The following MYOM1 variants were observed in gnomAD, a reference collection of about 807,000 sequenced individuals.
MYOM1 encodes myomesin-1.
MYOM1 carries 164 observed loss-of-function variants against 205.3 expected under a neutral mutation model. The observed-to-expected ratio is 0.80, with a 90% CI of 0.70 to 0.91. The LOEUF is 0.91. Ranked by LOEUF, MYOM1 falls within the 40% of genes least tolerant of loss-of-function variation. MYOM1 has a pLI of 0.00. For missense variants in MYOM1, 2,011 were observed against 2,127.3 expected (o/e 0.95, Z 1.08); for synonymous variants, 772 against 789.4 (o/e 0.98, Z 0.37).
chr18:3,155,438 A>G (rs184781261), intron 10 of MYOM1, among the ~76,000 whole-genome samples: 2,776 of 152,234 alleles, frequency 0.018, 139 homozygotes, highest in Admixed American at 0.12. Flanking sequence ...GTTAGCCAGG[A>G]TGGTCTTGAT....
Position 3,084,904 on chromosome 18 carries a change from T to G in MYOM1, c.4339+141A>C, listed in dbSNP as rs939485079. ...GGTATTTTTGAATAAAACAGTTCAC[T>G]CTGTTGGAATTTCAATTAAGCCAAA... On this transcript the variant is annotated intron_variant, in intron 31 of 37. Coordinates refer to ENST00000356443, the MANE Select transcript of MYOM1 (RefSeq NM_003803.4). The G allele has an allele frequency of 1.6e-5, 10 of 610,120 alleles. 1 individual carries two copies. In the South Asian group the frequency reaches 2.3e-4, roughly 14 times the overall value. The allele number at this position is 610,120 out of a possible 1,614,324, so 37.8% of individuals were successfully genotyped here.
chr18:3,207,193 T>C (rs2081134580), intron 2 of MYOM1, among the ~76,000 whole-genome samples: 1 of 152,236 alleles, frequency 6.6e-6, no homozygotes, highest in Non-Finnish European at 1.5e-5. Context: ...TCATGTGTTC[T>C]AGAAAAGGTG....
chr18:3,155,426 G>T (rs11875416), intron 10 of MYOM1, among the ~76,000 whole-genome samples: 29 of 152,260 alleles, frequency 1.9e-4, no homozygotes, highest in Admixed American at 5.2e-4. Flanking sequence ...GGGTTTCACC[G>T]TGTTAGCCAG....
At chr18:3,174,273 A>G in intron 6 of MYOM1, 65 bp from the exon 7 acceptor site, 1 of 1,403,984 alleles carries the variant, frequency 7.1e-7, no homozygotes, top group South Asian at 1.2e-5. Context: ...TAGCTGTTCT[A>G]TCAAGGAACT....
At chr18:3,085,228 GCTTTTTTTTTTTTTTTTT>G in intron 30 of MYOM1, 96 bp from the exon 31 acceptor site, 4 of 152,308 alleles carry the variant, frequency 2.6e-5, no homozygotes, top group South Asian at 1.6e-4. Context: ...TGCTGCTGCT[GCTTTTTTTTTTTTTTTTT>G]TTTTTTTTTT....
intron 13 of MYOM1, among the ~76,000 whole-genome samples, chr18:3,142,369 C>T (rs923958366): frequency 3.9e-5 from 6 of 152,070 alleles, no homozygotes; most frequent in Non-Finnish European, 7.4e-5. Flanking sequence ...CCAAGTGATC[C>T]TCCCACCTCA....
At chr18:3,235,958 G>T in the MYOM1 span, among the ~76,000 whole-genome samples, 3 of 152,202 alleles carry the variant, frequency 2.0e-5, no homozygotes, top group Non-Finnish European at 4.4e-5. Flanking sequence ...TCTTGAGGTG[G>T]AAAGTTATGT....
At position 3,189,353 on chromosome 18, in the gene MYOM1, G is replaced by A. The variant is rs2080873054; in HGVS notation, c.432-266C>T. 6.8e-6 allele frequency among the ~76,000 whole-genome samples: 1 copy of A among 146,082 alleles called. No homozygotes were observed. Among genetic ancestry groups the A allele is most frequent in the Admixed American group, 7.1e-5 (1 of 14,102 alleles). On this transcript the variant is annotated intron_variant, in intron 3 of 37. Transcript: ENST00000356443. The surrounding 1 kb of genome is among the most constrained non-coding windows in gnomAD (Gnocchi z 4.8). ...TGTTTCATCCCCTTACAAACCCTAT[G>A]AGATAAACTTTTTTTTTTTTTTTGA...
chr18:3,130,996 T>C (rs192639613), intron 17 of MYOM1, among the ~76,000 whole-genome samples: 2 of 152,366 alleles, frequency 1.3e-5, no homozygotes, highest in East Asian at 3.9e-4. Flanking sequence ...GGCTCTGGCA[T>C]AGACCAAATG....
chr18:3,084,710 G>A (rs1260924855), intron 31 of MYOM1, among the ~76,000 whole-genome samples: 1 of 152,180 alleles, frequency 6.6e-6, no homozygotes, highest in Non-Finnish European at 1.5e-5. Context: ...TACCTTTAGA[G>A]TGGACTATTT....
chr18:3,123,600 A>G (rs2079730635), intron 19 of MYOM1, among the ~76,000 whole-genome samples: 1 of 151,546 alleles, frequency 6.6e-6, no homozygotes, highest in Non-Finnish European at 1.5e-5. Context: ...TCAGAATTCT[A>G]ATGGGTTTAG....
chr18:3,173,829 G>T, intron 8 of MYOM1, 109 bp downstream of exon 8: 1 of 992,870 alleles, frequency 1.0e-6, no homozygotes, highest in Non-Finnish European at 1.5e-6. Flanking sequence ...ATCCAACCTA[G>T]CATATACTAT....
At chr18:3,116,276 T>C in intron 21 of MYOM1, 55 bp downstream of exon 21, 1 of 1,543,884 alleles carries the variant, frequency 6.5e-7, no homozygotes, top group Non-Finnish European at 8.8e-7. Context: ...AACTTTAAAG[T>C]TCGTATTAGT....
intron 23 of MYOM1, among the ~76,000 whole-genome samples, chr18:3,102,170 T>G (rs964872896): frequency 7.3e-5 from 11 of 151,178 alleles, no homozygotes; most frequent in African/African-American, 2.7e-4. Flanking sequence ...CCCGGCTAAT[T>G]TTTTTTTGTA....
At chr18:3,191,431 G>A (rs1409853223) in intron 3 of MYOM1, among the ~76,000 whole-genome samples, 3 of 152,108 alleles carry the variant, frequency 2.0e-5, no homozygotes, top group Non-Finnish European at 2.9e-5. Context: ...TGTCCAAAAC[G>A]TTGATATATT....
At position 3,126,875 on chromosome 18, in the gene MYOM1, A is replaced by G. The variant is rs2143865281; in HGVS notation, c.2817T>C (p.Asp939=). The change falls in exon 19 of 38, where the codon GAT becomes GAC. Residue 939 remains aspartate (D), a synonymous_variant. Transcript: ENST00000356443. ...CACGAAAACTTTCAAGACAGGTGATATCACAGGGTGGAGATGGTGGTGCTG... is the reference window on the plus strand; with the variant it reads ...CACGAAAACTTTCAAGACAGGTGATGTCACAGGGTGGAGATGGTGGTGCTG... ...TDRAPPSPPC[D]ITCLESFRDS... is the part of the protein sequence containing the mutation. 6.2e-7 allele frequency: 1 copy of G among 1,611,582 alleles called. No homozygotes were observed.
chr18:3,169,064 AGTC>A, intron 8 of MYOM1, 83 bp from the exon 9 acceptor site: 1 of 1,201,302 alleles, frequency 8.3e-7, no homozygotes, highest in Admixed American at 2.9e-5. Context: ...GGCAGAAAGC[AGTC>A]ACAGCAAAAA....
At chr18:3,097,595 T>C (rs1292964221) in intron 25 of MYOM1, among the ~76,000 whole-genome samples, 4 of 151,726 alleles carry the variant, frequency 2.6e-5, no homozygotes, top group African/African-American at 7.3e-5. Context: ...TTTGTAGAGA[T>C]AGGGTTTCAC....
chr18:3,072,972 C>CT (rs1290773371), intron 36 of MYOM1, among the ~76,000 whole-genome samples: 1,951 of 91,682 alleles, frequency 0.021, 25 homozygotes, highest in South Asian at 0.087. Context: ...CAGATGTAAG[C>CT]ATTTTTTTTT....
Sources: gnomAD v4.1 joint callset for allele counts (sites outside exome capture counted in the v4.1 genomes callset) on GRCh38, gnomAD v4.1.1 for gene constraint, Gnocchi (gnomAD v3.1) non-coding constraint, MANE v1.5 for transcripts, NCBI Gene and HGNC (gene_info 2026-07-23, HGNC 2026-07-21) for gene names.